The following SORCS1 variants were observed in gnomAD, a reference collection of about 807,000 sequenced individuals.
The protein encoded by SORCS1 is sortilin related VPS10 domain containing receptor 1.
In SORCS1, 60 loss-of-function variants were observed where a neutral mutation model predicts 146.1. The observed-to-expected ratio is 0.41, with a 90% CI of 0.33 to 0.51. The LOEUF (loss-of-function observed/expected upper bound fraction) is 0.51. Ranked by LOEUF, SORCS1 falls within the 20% of genes least tolerant of loss-of-function variation. SORCS1 has a pLI of 0.21. For synonymous variants in SORCS1, 637 were observed against 584.0 expected (o/e 1.09, Z -1.31); for missense variants, 1,352 against 1,487.6 (o/e 0.91, Z 1.50).
chr10:107,159,539 A>G (rs1969548283), intron 1 of SORCS1, among the ~76,000 whole-genome samples: 1 of 152,164 alleles, frequency 6.6e-6, no homozygotes, highest in African/African-American at 2.4e-5. Flanking sequence ...GGAATAAAGC[A>G]CTTTGTATCC....
At chr10:106,766,884 T>C (rs1204548531) in intron 4 of SORCS1, among the ~76,000 whole-genome samples, 1 of 152,256 alleles carries the variant, frequency 6.6e-6, no homozygotes, top group African/African-American at 2.4e-5. Flanking sequence ...ACAATTAATA[T>C]GTCTTAGAAT....
Position 107,060,933 on chromosome 10 carries a change from T to C in SORCS1, c.558+103036A>G, listed in dbSNP as rs909820600. ...TGAATGAAGTCCTCACATTTTCAAA[T>C]ATCTTTTCCCTTTCTCTTTCCAAGT... On this transcript the variant is annotated intron_variant, in intron 1 of 25. Transcript: ENST00000263054. The surrounding 1 kb of genome is among the most constrained non-coding windows in gnomAD (Gnocchi z 4.1). Among the ~76,000 whole-genome samples, 2 of 152,194 alleles carry C rather than the reference T, an allele frequency of 1.3e-5. No homozygotes were observed. The highest frequency in any genetic ancestry group is 2.9e-5 in the Non-Finnish European group (2 of 68,028).
intron 2 of SORCS1, among the ~76,000 whole-genome samples, chr10:106,839,643 A>G (rs1206533509): frequency 6.6e-6 from 1 of 152,224 alleles, no homozygotes; most frequent in Non-Finnish European, 1.5e-5. Flanking sequence ...ATGTAGAGGA[A>G]ACAACATCCA....
At chr10:106,604,371 T>A (rs1846434602) in intron 23 of SORCS1, among the ~76,000 whole-genome samples, 1 of 152,202 alleles carries the variant, frequency 6.6e-6, no homozygotes, top group Non-Finnish European at 1.5e-5. Context: ...GAGACTCCCC[T>A]GTCTCACAGG....
At chr10:107,044,127 G>A (rs574417413) in intron 1 of SORCS1, among the ~76,000 whole-genome samples, 3 of 152,230 alleles carry the variant, frequency 2.0e-5, no homozygotes, top group African/African-American at 7.2e-5. Flanking sequence ...GGAGAACCAT[G>A]TATAATGAAA....
intron 2 of SORCS1, among the ~76,000 whole-genome samples, chr10:106,930,003 T>G (rs1320038556): frequency 6.6e-6 from 1 of 152,190 alleles, no homozygotes; most frequent in Non-Finnish European, 1.5e-5. Context: ...TCCCAGCAGT[T>G]TGGGAGGCCG....
intron 18 of SORCS1, among the ~76,000 whole-genome samples, chr10:106,650,725 A>C (rs1214631443): frequency 6.6e-6 from 1 of 152,178 alleles, no homozygotes; most frequent in African/African-American, 2.4e-5. Flanking sequence ...TGTGGCATAT[A>C]AATTGCTAAA....
At chr10:106,801,696 A>ATTT (rs534689813) in intron 3 of SORCS1, among the ~76,000 whole-genome samples, 13 of 151,810 alleles carry the variant, frequency 8.6e-5, no homozygotes, top group Non-Finnish European at 1.5e-4. Context: ...CGCCCGGCTA[A>ATTT]TTTTTTTGTA....
chr10:107,001,387 A>G (rs1329458833), intron 1 of SORCS1, among the ~76,000 whole-genome samples: 1 of 152,214 alleles, frequency 6.6e-6, no homozygotes, highest in East Asian at 1.9e-4. Context: ...CATCGTATAC[A>G]GAACAGAGGG....
intron 2 of SORCS1, among the ~76,000 whole-genome samples, chr10:106,844,250 T>C (rs568615608): frequency 7.9e-5 from 12 of 152,330 alleles, no homozygotes; most frequent in Admixed American, 4.6e-4. Flanking sequence ...AATTTTGCTA[T>C]TTACTTGTAT....
intron 2 of SORCS1, among the ~76,000 whole-genome samples, chr10:106,937,972 G>GAAAAAAAAAAA (rs76116094): frequency 4.6e-5 from 6 of 129,172 alleles, no homozygotes; most frequent in Admixed American, 8.2e-5. Context: ...TCAAAAAGAA[G>GAAAAAAAAAAA]AAAAAAAAAA....
At chr10:106,816,456 C>G (rs539315643) in intron 3 of SORCS1, among the ~76,000 whole-genome samples, 1 of 152,200 alleles carries the variant, frequency 6.6e-6, no homozygotes, top group South Asian at 2.1e-4. Flanking sequence ...GGACTTTGGT[C>G]TCTCTGTCAG....
At chr10:107,100,213 A>G (rs72812991) in intron 1 of SORCS1, among the ~76,000 whole-genome samples, 8,950 of 152,100 alleles carry the variant, frequency 0.059, 610 homozygotes, top group African/African-American at 0.17. Flanking sequence ...TGTAAATCGT[A>G]ATAAGAAATA....
intron 5 of SORCS1, among the ~76,000 whole-genome samples, chr10:106,737,926 C>A (rs904524574): frequency 6.6e-6 from 1 of 152,098 alleles, no homozygotes; most frequent in Non-Finnish European, 1.5e-5. Flanking sequence ...TGGTATCATA[C>A]CCTGCATATT....
chr10:106,957,199 C>T (rs1376989763), intron 1 of SORCS1, among the ~76,000 whole-genome samples: 11 of 119,750 alleles, frequency 9.2e-5, no homozygotes, highest in East Asian at 2.6e-4. Flanking sequence ...GATAGAGTTT[C>T]GCTCGCTCGT....
chr10:106,631,961 C>T (rs1007163905), intron 18 of SORCS1, among the ~76,000 whole-genome samples: 13 of 152,120 alleles, frequency 8.5e-5, no homozygotes, highest in African/African-American at 2.9e-4. Flanking sequence ...GGAATGCTCT[C>T]TGTGTATATA....
intron 2 of SORCS1, among the ~76,000 whole-genome samples, chr10:106,926,811 T>G (rs1953045438): frequency 6.8e-6 from 1 of 147,088 alleles, no homozygotes; most frequent in Admixed American, 6.9e-5. Context: ...TCCTCCAAAA[T>G]TTCTAAGGAA....
chr10:106,822,782 GTTT>G lies in SORCS1; in HGVS notation c.726+6789_726+6791del, dbSNP rs1158921880. On this transcript the variant is annotated intron_variant, in intron 3 of 25. Coordinates refer to ENST00000263054, the MANE Select transcript of SORCS1 (RefSeq NM_052918.5). ...CACTATGTCTCTGAATTCATGTGTG[GTTT>G]TTTTTTTTTTTTTTTTTGAATATTG... Among the ~76,000 whole-genome samples the G allele has an allele frequency of 4.6e-3, 518 of 113,140 alleles. 2 individuals are homozygous for G. Among genetic ancestry groups the G allele is most frequent in the African/African-American group, 0.017 (453 of 26,310 alleles). The allele number at this position is 113,140 out of a possible 152,430, so 74.2% of individuals were successfully genotyped here.
At position 106,702,497 on chromosome 10, in the gene SORCS1, T is replaced by G. The variant is rs1215351552; in HGVS notation, c.1234-3104A>C. ...ATACCGGCCACTTCTCCCAAGACTTTATTTTGTAGATTTGGATAGGAAAAC... is the reference window on the plus strand; with the variant it reads ...ATACCGGCCACTTCTCCCAAGACTTGATTTTGTAGATTTGGATAGGAAAAC... On this transcript the variant is annotated intron_variant, in intron 8 of 25. Coordinates refer to ENST00000263054, the MANE Select transcript of SORCS1 (RefSeq NM_052918.5). Among the ~76,000 whole-genome samples the G allele has an allele frequency of 2.6e-5, 4 of 152,186 alleles. No homozygotes were observed. The East Asian group carries it at 7.7e-4, about 29-fold the overall frequency.
Sources: gnomAD v4.1 joint callset for allele counts (sites outside exome capture counted in the v4.1 genomes callset) on GRCh38, gnomAD v4.1.1 for gene constraint, Gnocchi (gnomAD v3.1) non-coding constraint, MANE v1.5 for transcripts, NCBI Gene and HGNC (gene_info 2026-07-23, HGNC 2026-07-21) for gene names.